FBXO8: variants seen among roughly 807,000 people sequenced by gnomAD.
FBXO8 encodes F-box protein 8, also known as F-box only protein 8.
A neutral mutation model predicts 33.4 loss-of-function variants in FBXO8; 15 were observed. That is an observed-to-expected ratio of 0.45 (90% CI 0.30 to 0.69). The LOEUF (loss-of-function observed/expected upper bound fraction) is 0.69, where lower values mean the gene tolerates loss of function less well. FBXO8 is among the 30% of genes least tolerant of loss of function. The probability of loss-of-function intolerance (pLI) is 0.08; values close to 1 mark genes in which losing one functional copy is unlikely to be tolerated. For synonymous variants in FBXO8, 132 were observed against 131.5 expected (o/e 1.00, Z -0.02); for missense variants, 274 against 380.3 (o/e 0.72, Z 2.32).
chr4:174,259,963 G>T lies in FBXO8; in HGVS notation c.330-138C>A. 1.1e-6 allele frequency: 1 copy of T among 937,708 alleles called. No individual in the cohort carries two copies. The highest frequency in any genetic ancestry group is 1.5e-6 in the Non-Finnish European group (1 of 652,920). 58.1% of individuals were successfully genotyped at this position (937,708 alleles called of 1,614,324 possible). ...TCTAAAGTTTAAAATTTTTAAGTTT[G>T]TACTTGTTTTCTATTTGTTTACTAG... On this transcript the variant is annotated intron_variant, in intron 2 of 5. Transcript: ENST00000393674. This position sits in a 1 kb window ranked among gnomAD's most constrained non-coding sequence, Gnocchi z 4.3.
chr4:174,276,590 G>GT (rs775243716), intron 1 of FBXO8, among the ~76,000 whole-genome samples: 27 of 151,890 alleles, frequency 1.8e-4, no homozygotes, highest in Non-Finnish European at 2.8e-4. Context: ...GTTTTGTTTT[G>GT]TTTTTTTGAG....
intron 3 of FBXO8, among the ~76,000 whole-genome samples, chr4:174,246,701 A>G (rs1736166946): frequency 6.6e-6 from 1 of 152,058 alleles, no homozygotes; most frequent in Non-Finnish European, 1.5e-5. Context: ...AGGGGCAGCA[A>G]AGCCGATAAA....
intron 3 of FBXO8, among the ~76,000 whole-genome samples, chr4:174,258,132 T>C (rs1004498291): frequency 6.6e-6 from 1 of 152,200 alleles, no homozygotes; most frequent in Non-Finnish European, 1.5e-5. Flanking sequence ...AAAGTCTCTA[T>C]AACTGTGCCA....
chr4:174,243,037 ATACAT>A (rs1441240373), intron 3 of FBXO8, among the ~76,000 whole-genome samples: 1 of 151,622 alleles, frequency 6.6e-6, no homozygotes. Flanking sequence ...TACTAATAGT[ATACAT>A]TAATGATATC....
chr4:174,239,342 T>C, intron 4 of FBXO8, 152 bp from the exon 5 acceptor site: 1 of 431,668 alleles, frequency 2.3e-6, no homozygotes, highest in Non-Finnish European at 4.1e-6. Flanking sequence ...ATTCCCAACA[T>C]TAAAAAATCT....
In FBXO8 at chr4:174,245,930, T is replaced by G. The variant is rs780747190; in HGVS notation, c.457-4712A>C. 6.6e-6 allele frequency among the ~76,000 whole-genome samples: 1 copy of G among 151,688 alleles called. No homozygotes were observed. The highest frequency in any genetic ancestry group is 1.5e-5 in the Non-Finnish European group (1 of 67,870). ...ACAGGTCAAAAAAAGTCAAAGAGGG[T>G]GTTGATTTGAAGAAAACAGTGATGA... On this transcript the variant is annotated intron_variant, in intron 3 of 5. Coordinates refer to ENST00000393674, the MANE Select transcript of FBXO8 (RefSeq NM_012180.3). This position sits in a 1 kb window ranked among gnomAD's most constrained non-coding sequence, Gnocchi z 4.6.
chr4:174,237,276 G>GA lies in FBXO8; in HGVS notation c.*135dup. ...ATTACTAAAATAGAAAATGGCAAAA[G>GA]AAAAAAAGGTTGCACACTGAAGCTT... On this transcript the variant is annotated 3_prime_UTR_variant, in exon 6 of 6. Coordinates refer to ENST00000393674, the MANE Select transcript of FBXO8 (RefSeq NM_012180.3). The surrounding 1 kb of genome is among the most constrained non-coding windows in gnomAD (Gnocchi z 4.4). The GA allele has an allele frequency of 1.5e-6, 1 of 648,016 alleles. No individual in the cohort carries two copies. The highest frequency in any genetic ancestry group is 1.8e-5 in the African/African-American group (1 of 54,868). 40.1% of individuals were successfully genotyped at this position (648,016 alleles called of 1,614,324 possible).
In FBXO8 at chr4:174,261,463, A is replaced by C. The variant is rs569243584; in HGVS notation, c.329+1301T>G. 1.3e-5 allele frequency among the ~76,000 whole-genome samples: 2 copies of C among 152,140 alleles called. No individual in the cohort carries two copies. The highest frequency in any genetic ancestry group is 4.2e-4 in the South Asian group (2 of 4,818). On this transcript the variant is annotated intron_variant, in intron 2 of 5. Transcript: ENST00000393674. The surrounding 1 kb of genome is among the most constrained non-coding windows in gnomAD (Gnocchi z 4.1). ...GGCTAGAAATTAAACTTTTAAAAAAAGTTCAAACAAACAGAAATTAAGTTA... is the reference window on the plus strand; with the variant it reads ...GGCTAGAAATTAAACTTTTAAAAAACGTTCAAACAAACAGAAATTAAGTTA...
chr4:174,282,928 A>G (rs139104418), intron 1 of FBXO8, among the ~76,000 whole-genome samples: 194 of 152,336 alleles, frequency 1.3e-3, no homozygotes, highest in African/African-American at 4.5e-3. Flanking sequence ...GACAAGTTTG[A>G]CAAGTTTTAT....
chr4:174,242,721 G>A (rs973372222), intron 3 of FBXO8, among the ~76,000 whole-genome samples: 7 of 151,480 alleles, frequency 4.6e-5, no homozygotes, highest in African/African-American at 1.5e-4. Flanking sequence ...TCAACTGTCC[G>A]AGGGGGCAGC....
chr4:174,241,499 G>C lies in FBXO8; in HGVS notation c.457-281C>G, dbSNP rs186618559. The stretch of plus-strand genomic sequence containing the variant: ...GGTAAAACTAACTATACAGAAATAC[G>C]GCCTAATTTGGGGAAGGGGGCTGCA... On this transcript the variant is annotated intron_variant, in intron 3 of 5. Transcript: ENST00000393674. This position sits in a 1 kb window ranked among gnomAD's most constrained non-coding sequence, Gnocchi z 4.2. 6.6e-6 allele frequency among the ~76,000 whole-genome samples: 1 copy of C among 151,380 alleles called. No individual in the cohort carries two copies. Among genetic ancestry groups the C allele is most frequent in the Non-Finnish European group, 1.5e-5 (1 of 67,554 alleles).
rs1736186365 is a variant in FBXO8 at position 174,247,483 on chromosome 4, T to A, written c.457-6265A>T. ...TAGAAAGCCAATTGGATACTGCATT[T>A]AATTTTCTTTTAAAAAAACATTTTG... On this transcript the variant is annotated intron_variant, in intron 3 of 5. Coordinates refer to ENST00000393674, the MANE Select transcript of FBXO8 (RefSeq NM_012180.3). This position sits in a 1 kb window ranked among gnomAD's most constrained non-coding sequence, Gnocchi z 4.6. Among the ~76,000 whole-genome samples, 1 of 152,058 alleles carries A rather than the reference T, an allele frequency of 6.6e-6. No individual in the cohort carries two copies. The highest frequency in any genetic ancestry group is 1.5e-5 in the Non-Finnish European group (1 of 67,974).
chr4:174,282,539 T>A (rs1330456899), intron 1 of FBXO8, among the ~76,000 whole-genome samples: 1 of 152,232 alleles, frequency 6.6e-6, no homozygotes, highest in Non-Finnish European at 1.5e-5. Flanking sequence ...TGAAACCTAC[T>A]CTGTTTCACA....
At position 174,241,355 on chromosome 4, in the gene FBXO8, C is replaced by T; in HGVS notation, c.457-137G>A. ...TTTTGTAGCTTTATCATGCAAAATA[C>T]AAGCTAGAACTTGAACTGAAACTAT... On this transcript the variant is annotated intron_variant, in intron 3 of 5. Coordinates refer to ENST00000393674, the MANE Select transcript of FBXO8 (RefSeq NM_012180.3). The surrounding 1 kb of genome is among the most constrained non-coding windows in gnomAD (Gnocchi z 4.2). 1 of 506,920 alleles carries T rather than the reference C, an allele frequency of 2.0e-6. No individual in the cohort carries two copies. Among genetic ancestry groups the T allele is most frequent in the Admixed American group, 3.6e-5 (1 of 27,788 alleles). The allele number at this position is 506,920 out of a possible 1,614,324, so 31.4% of individuals were successfully genotyped here.
chr4:174,250,999 CA>C (rs1736273207), intron 3 of FBXO8, among the ~76,000 whole-genome samples: 1 of 151,998 alleles, frequency 6.6e-6, no homozygotes, highest in Non-Finnish European at 1.5e-5. Context: ...AAATAAAAAG[CA>C]AACAGATTTT....
Position 174,277,758 on chromosome 4 carries a change from T to C in FBXO8, c.-9+5652A>G, listed in dbSNP as rs1459838728. Reference sequence around the variant, plus strand: ...TAGTGGAATTTATAAGTAAATGTCCTGTCTCAGATAAAGGTTTAAAATGTG... The same window carrying C: ...TAGTGGAATTTATAAGTAAATGTCCCGTCTCAGATAAAGGTTTAAAATGTG... On this transcript the variant is annotated intron_variant, in intron 1 of 5. Coordinates refer to ENST00000393674, the MANE Select transcript of FBXO8 (RefSeq NM_012180.3). This position sits in a 1 kb window ranked among gnomAD's most constrained non-coding sequence, Gnocchi z 4.9. Among the ~76,000 whole-genome samples the C allele has an allele frequency of 6.6e-6, 1 of 152,286 alleles. No individual in the cohort carries two copies. Among genetic ancestry groups the C allele is most frequent in the South Asian group, 2.1e-4 (1 of 4,830 alleles).
At position 174,239,183 on chromosome 4, in the gene FBXO8, C is replaced by T. The variant is rs776506336; in HGVS notation, c.583G>A (p.Val195Ile). The change falls in exon 5 of 6, where the codon GTC (valine) becomes ATC (isoleucine). Residue 195 changes from valine to isoleucine, a missense_variant. Physicochemically the swap from Val to Ile is conservative, Grantham distance 29. Coordinates refer to ENST00000393674, the MANE Select transcript of FBXO8 (RefSeq NM_012180.3). ...LRIYLDERRDVLDDLVTLHNF... is the reference protein window; with the variant it reads ...LRIYLDERRDILDDLVTLHNF... ...TGCAATGTTACAAGGTCATCCAAGA[C>T]ATCTCTCCTACAGAAAGAAAAAAAG... The T allele has an allele frequency of 6.4e-7, 1 of 1,564,694 alleles. No homozygotes were observed. Among genetic ancestry groups the T allele is most frequent in the South Asian group, 1.2e-5 (1 of 82,972 alleles).
chr4:174,240,341 T>C (rs1250799434), intron 4 of FBXO8, among the ~76,000 whole-genome samples: 1 of 151,752 alleles, frequency 6.6e-6, no homozygotes, highest in East Asian at 1.9e-4. Context: ...GCAAAGTTTC[T>C]GGAATATAAT....
chr4:174,244,131 G>A (rs1010778531), intron 3 of FBXO8, among the ~76,000 whole-genome samples: 2 of 151,516 alleles, frequency 1.3e-5, no homozygotes, highest in Non-Finnish European at 3.0e-5. Context: ...TGGTTGTAGT[G>A]AAGATATTAA....
Sources: gnomAD v4.1 joint callset for allele counts (sites outside exome capture counted in the v4.1 genomes callset) on GRCh38, gnomAD v4.1.1 for gene constraint, Gnocchi (gnomAD v3.1) non-coding constraint, MANE v1.5 for transcripts, NCBI Gene and HGNC (gene_info 2026-07-23, HGNC 2026-07-21) for gene names.